RHBDL3: variants seen among roughly 807,000 people sequenced by gnomAD.
The protein encoded by RHBDL3 is rhomboid-related protein 3.
Under a neutral mutation model 48.2 loss-of-function variants are expected in RHBDL3, and 28 were observed. The observed-to-expected ratio is 0.58, with a 90% CI of 0.43 to 0.80. RHBDL3 has a LOEUF of 0.80. Ranked by LOEUF, RHBDL3 falls within the 30% of genes least tolerant of loss-of-function variation. RHBDL3 has a pLI of 0.00. For missense variants in RHBDL3, 464 were observed against 542.7 expected (o/e 0.85, Z 1.44); for synonymous variants, 208 against 232.3 (o/e 0.90, Z 0.95).
intron 1 of RHBDL3, 35 bp from the exon 2 acceptor site, chr17:32,267,867 T>G: frequency 6.2e-7 from 1 of 1,613,904 alleles, no homozygotes; most frequent in Non-Finnish European, 8.5e-7. Context: ...TTCTCTCCTC[T>G]TCTTCCTCTC....
At chr17:32,294,619 A>G (rs1288032270) in intron 5 of RHBDL3, among the ~76,000 whole-genome samples, 177 bp downstream of exon 5, 1 of 152,222 alleles carries the variant, frequency 6.6e-6, no homozygotes, top group African/African-American at 2.4e-5. Flanking sequence ...TTGAGAGTGA[A>G]TGGGAAAGGG....
chr17:32,285,504 G>T, intron 3 of RHBDL3, among the ~76,000 whole-genome samples: 1 of 152,260 alleles, frequency 6.6e-6, no homozygotes, highest in East Asian at 1.9e-4. Flanking sequence ...TAGGCCCATG[G>T]ATCCTGCCCA....
chr17:32,288,718 G>A, intron 3 of RHBDL3, 74 bp from the exon 4 acceptor site: 2 of 1,109,236 alleles, frequency 1.8e-6, no homozygotes, highest in Non-Finnish European at 1.3e-6. Flanking sequence ...CAAGGAACAT[G>A]CTGGCTGGGA....
At chr17:32,279,475 T>C (rs2039990966) in intron 2 of RHBDL3, among the ~76,000 whole-genome samples, 1 of 152,164 alleles carries the variant, frequency 6.6e-6, no homozygotes, top group African/African-American at 2.4e-5. Context: ...CCGTGATTTC[T>C]GATTCCCTGA....
chr17:32,273,283 C>T (rs1194479544), intron 2 of RHBDL3, among the ~76,000 whole-genome samples: 2 of 152,088 alleles, frequency 1.3e-5, no homozygotes, highest in Non-Finnish European at 2.9e-5. Context: ...ATTACAGGCG[C>T]GAGCCACCGC....
chr17:32,307,841 C>A (rs533431116), intron 7 of RHBDL3, among the ~76,000 whole-genome samples: 2 of 152,160 alleles, frequency 1.3e-5, no homozygotes, highest in African/African-American at 4.8e-5. Flanking sequence ...TCCACTCCCC[C>A]CTCCCCCTGC....
intron 3 of RHBDL3, among the ~76,000 whole-genome samples, chr17:32,286,928 T>C (rs943611350): frequency 6.6e-6 from 1 of 152,206 alleles, no homozygotes; most frequent in Admixed American, 6.5e-5. Flanking sequence ...ACAACAGCTC[T>C]GTATGGGCTA....
intron 4 of RHBDL3, among the ~76,000 whole-genome samples, chr17:32,292,395 G>T (rs1018161887): frequency 2.0e-5 from 3 of 152,098 alleles, no homozygotes; most frequent in Non-Finnish European, 2.9e-5. Flanking sequence ...TATCCCAAAA[G>T]AATTGAAAGG....
chr17:32,310,262 C>G (rs1305041962), intron 7 of RHBDL3, among the ~76,000 whole-genome samples: 1 of 152,142 alleles, frequency 6.6e-6, no homozygotes, highest in African/African-American at 2.4e-5. Flanking sequence ...GGTTGCCTAA[C>G]AGACACTAAA....
At chr17:32,292,137 C>A (rs990736428) in intron 4 of RHBDL3, among the ~76,000 whole-genome samples, 1 of 151,912 alleles carries the variant, frequency 6.6e-6, no homozygotes, top group South Asian at 2.1e-4. Context: ...GTAAATGATA[C>A]ATTTTAGAAG....
chr17:32,272,207 T>C (rs1176282436), intron 2 of RHBDL3, among the ~76,000 whole-genome samples: 1 of 152,272 alleles, frequency 6.6e-6, no homozygotes, highest in Non-Finnish European at 1.5e-5. Context: ...GGACCACTTC[T>C]GAGATCCAGG....
intron 6 of RHBDL3, among the ~76,000 whole-genome samples, chr17:32,303,754 A>C: frequency 6.8e-6 from 1 of 146,172 alleles, no homozygotes; most frequent in South Asian, 2.3e-4. Context: ...GCCTTGATGG[A>C]GGTGGGGGCA....
chr17:32,270,066 C>T (rs975008788), intron 2 of RHBDL3, among the ~76,000 whole-genome samples: 10 of 148,472 alleles, frequency 6.7e-5, no homozygotes, highest in East Asian at 2.0e-4. Flanking sequence ...TGGCTAACGC[C>T]GGTAATCCCA....
chr17:32,310,906 T>G (rs572784381), intron 7 of RHBDL3, among the ~76,000 whole-genome samples: 71 of 65,920 alleles, frequency 1.1e-3, no homozygotes, highest in Non-Finnish European at 1.7e-3. Flanking sequence ...AAAAAAAAGG[T>G]TTACTTTATT....
intron 2 of RHBDL3, among the ~76,000 whole-genome samples, chr17:32,270,751 T>G (rs1188735417): frequency 6.6e-6 from 1 of 152,180 alleles, no homozygotes; most frequent in Non-Finnish European, 1.5e-5. Context: ...TTCAACTCGG[T>G]ATGTTCCATG....
chr17:32,318,625 C>A (rs2041032916), intron 8 of RHBDL3, among the ~76,000 whole-genome samples: 1 of 151,788 alleles, frequency 6.6e-6, no homozygotes, highest in Non-Finnish European at 1.5e-5. Context: ...GGTCACCCAG[C>A]TAAGAAGTGA....
In RHBDL3 at chr17:32,298,601, G is replaced by A. The variant is rs934676765; in HGVS notation, c.781+397G>A. 3.3e-5 allele frequency among the ~76,000 whole-genome samples: 5 copies of A among 152,270 alleles called. No homozygotes were observed. In the South Asian group the frequency reaches 1.0e-3, roughly 31 times the overall value. On this transcript the variant is annotated intron_variant, in intron 6 of 8. Coordinates refer to ENST00000269051, the MANE Select transcript of RHBDL3 (RefSeq NM_138328.3). ...GGAGGGCAGAGTGAGTGAGGCAACA[G>A]ATGGAACAACAGTGCTCCGAAAACT...
intron 7 of RHBDL3, among the ~76,000 whole-genome samples, chr17:32,311,162 A>G (rs1357220123): frequency 6.6e-6 from 1 of 152,236 alleles, no homozygotes; most frequent in Non-Finnish European, 1.5e-5. Flanking sequence ...GTGGGTGAGT[A>G]CTATCTCACT....
chr17:32,303,847 T>C (rs1251605671), intron 6 of RHBDL3, among the ~76,000 whole-genome samples: 2 of 152,124 alleles, frequency 1.3e-5, no homozygotes, highest in East Asian at 1.9e-4. Flanking sequence ...AGCCTCCTCC[T>C]AAGTCCGTGG....
Sources: gnomAD v4.1 joint callset for allele counts (sites outside exome capture counted in the v4.1 genomes callset) on GRCh38, gnomAD v4.1.1 for gene constraint, MANE v1.5 for transcripts, NCBI Gene and HGNC (gene_info 2026-07-23, HGNC 2026-07-21) for gene names.